The following QTMAN variants were observed in gnomAD, a reference collection of about 807,000 sequenced individuals.
The protein encoded by QTMAN is tRNA-queuosine alpha-mannosyltransferase.
the QTMAN span, among the ~76,000 whole-genome samples, chr2:144,330,412 C>A: frequency 6.6e-6 from 1 of 152,156 alleles, no homozygotes; most frequent in Non-Finnish European, 1.5e-5. Context: ...TCAGAACATA[C>A]CTGTCATTAA....
At chr2:144,201,402 G>T in the QTMAN span, among the ~76,000 whole-genome samples, 10 of 152,162 alleles carry the variant, frequency 6.6e-5, no homozygotes, top group Non-Finnish European at 1.0e-4. Context: ...GAGAAGACAG[G>T]GGAGGAGATG....
At chr2:144,270,862 T>G in the QTMAN span, among the ~76,000 whole-genome samples, 1 of 152,106 alleles carries the variant, frequency 6.6e-6, no homozygotes, top group Non-Finnish European at 1.5e-5. Flanking sequence ...GAAAAGATAA[T>G]AACACTTAAA....
At chr2:144,000,087 T>C in the QTMAN span, among the ~76,000 whole-genome samples, 7 of 152,080 alleles carry the variant, frequency 4.6e-5, no homozygotes, top group African/African-American at 1.2e-4. Context: ...ATTTTGGAAA[T>C]CATAAATGGG....
At chr2:144,059,760 G>A in the QTMAN span, among the ~76,000 whole-genome samples, 10 of 152,056 alleles carry the variant, frequency 6.6e-5, no homozygotes, top group African/African-American at 2.4e-4. Context: ...TCTTCCCTGG[G>A]CTTATTTCCA....
the QTMAN span, among the ~76,000 whole-genome samples, chr2:144,039,380 C>T: frequency 3.3e-5 from 5 of 152,116 alleles, no homozygotes; most frequent in African/African-American, 4.8e-5. Context: ...ACTTAACTCA[C>T]AGATATGACC....
At chr2:144,197,713 T>C in the QTMAN span, among the ~76,000 whole-genome samples, 1 of 152,156 alleles carries the variant, frequency 6.6e-6, no homozygotes, top group Non-Finnish European at 1.5e-5. Context: ...CTAGTTCCTT[T>C]CCTGCCTTCC....
chr2:144,167,071 C>A, the QTMAN span, among the ~76,000 whole-genome samples: 4 of 152,136 alleles, frequency 2.6e-5, no homozygotes, highest in African/African-American at 9.7e-5. Flanking sequence ...TTAGCATTCC[C>A]TTTGTGTTAA....
the QTMAN span, among the ~76,000 whole-genome samples, chr2:144,311,436 T>C: frequency 1.3e-5 from 2 of 152,212 alleles, no homozygotes; most frequent in African/African-American, 2.4e-5. Flanking sequence ...ATGCACGCTA[T>C]AGCTCATAAA....
At chr2:144,277,209 C>CT in the QTMAN span, among the ~76,000 whole-genome samples, 1 of 151,930 alleles carries the variant, frequency 6.6e-6, no homozygotes, top group African/African-American at 2.4e-5. Flanking sequence ...TTTATTTTTA[C>CT]TTTTTTTAAT....
the QTMAN span, among the ~76,000 whole-genome samples, chr2:144,104,466 C>G: frequency 1.3e-5 from 2 of 152,164 alleles, no homozygotes; most frequent in Non-Finnish European, 2.9e-5. Flanking sequence ...TTATATCCTG[C>G]GCCTGGCTTG....
chr2:144,031,078 G>A, the QTMAN span, among the ~76,000 whole-genome samples: 1 of 152,126 alleles, frequency 6.6e-6, no homozygotes, highest in Non-Finnish European at 1.5e-5. Context: ...TCTTACTATA[G>A]TTGCACATCA....
the QTMAN span, among the ~76,000 whole-genome samples, chr2:144,254,018 A>G: frequency 2.0e-5 from 3 of 152,236 alleles, no homozygotes; most frequent in African/African-American, 7.2e-5. Flanking sequence ...TGCTCCAGCC[A>G]TGGCTAAAAG....
chr2:144,318,626 T>A, the QTMAN span, among the ~76,000 whole-genome samples: 1 of 152,228 alleles, frequency 6.6e-6, no homozygotes, highest in Non-Finnish European at 1.5e-5. Flanking sequence ...AGGATGGCGA[T>A]GTTAGTTGCA....
At chr2:143,955,587 A>G in the QTMAN span, among the ~76,000 whole-genome samples, 1 of 152,198 alleles carries the variant, frequency 6.6e-6, no homozygotes, top group African/African-American at 2.4e-5. Flanking sequence ...GACTGTTACA[A>G]TCTCACTGAT....
chr2:144,264,524 G>A, the QTMAN span, among the ~76,000 whole-genome samples: 4 of 152,170 alleles, frequency 2.6e-5, no homozygotes, highest in East Asian at 3.8e-4. Flanking sequence ...ACAGAGATAC[G>A]AAAATTCCCC....
At chr2:144,167,243 C>G in the QTMAN span, among the ~76,000 whole-genome samples, 16 of 152,146 alleles carry the variant, frequency 1.1e-4, no homozygotes, top group African/African-American at 3.6e-4. Context: ...TAGCCACACA[C>G]TCTTCTCCTT....
chr2:143,967,697 T>G, the QTMAN span, among the ~76,000 whole-genome samples: 12 of 152,208 alleles, frequency 7.9e-5, no homozygotes. Context: ...GGTAATCCTT[T>G]TTGTGGAAGC....
chr2:143,966,621 C>A, the QTMAN span, among the ~76,000 whole-genome samples: 1 of 152,178 alleles, frequency 6.6e-6, no homozygotes, highest in African/African-American at 2.4e-5. Context: ...AGCAGTGAGG[C>A]CTTGGGAAAG....
chr2:144,236,203 T>A, the QTMAN span, among the ~76,000 whole-genome samples: 1 of 151,920 alleles, frequency 6.6e-6, no homozygotes, highest in Non-Finnish European at 1.5e-5. Context: ...CAGAGGCAGG[T>A]TGGAATGCAT....
Sources: allele counts gnomAD v4.1 joint callset (sites outside exome capture counted in the v4.1 genomes callset), GRCh38; gene constraint gnomAD v4.1.1; transcripts MANE v1.5; gene names NCBI Gene and HGNC (gene_info 2026-07-23, HGNC 2026-07-21).